MYO5B: variants seen among roughly 807,000 people sequenced by gnomAD.
MYO5B encodes myosin VB.
In MYO5B, 143 loss-of-function variants were observed where a neutral mutation model predicts 229.3. The observed-to-expected ratio is 0.62, with a 90% CI of 0.54 to 0.72. The LOEUF (loss-of-function observed/expected upper bound fraction) is 0.72, where lower values mean the gene tolerates loss of function less well. MYO5B is among the 30% of genes least tolerant of loss of function. The probability of loss-of-function intolerance (pLI) is 0.00; values close to 1 mark genes in which losing one functional copy is unlikely to be tolerated. For synonymous variants in MYO5B, 918 were observed against 885.2 expected (o/e 1.04, Z -0.66); for missense variants, 2,321 against 2,331.0 (o/e 1.00, Z 0.09).
Position 49,839,255 on chromosome 18 carries a change from AGT to A in MYO5B, c.4739_4740del (p.His1580LeufsTer3). 6.2e-7 allele frequency: 1 copy of A among 1,614,160 alleles called. No homozygotes were observed. The highest frequency in any genetic ancestry group is 1.1e-5 in the South Asian group (1 of 91,078). ...MTQNTAKQNE[H>X]CLKNFDLTEY... is the part of the protein sequence containing the mutation. ...TCGGTGAGGTCAAAATTCTTAAGAC[AGT>A]GTTCATTCTGCTTTGCAGTGTTCTG... is the stretch of plus-strand genomic sequence containing the variant. On this transcript the variant is annotated frameshift_variant, in exon 36 of 40. Coordinates refer to ENST00000285039, the MANE Select transcript of MYO5B (RefSeq NM_001080467.3). LOFTEE classifies it high-confidence loss of function.
intron 36 of MYO5B, 89 bp downstream of exon 36, chr18:49,839,055 G>T: frequency 6.5e-7 from 1 of 1,526,812 alleles, no homozygotes; most frequent in South Asian, 1.1e-5. Context: ...TAAGATATCT[G>T]GTTCCCGAAA....
intron 1 of MYO5B, among the ~76,000 whole-genome samples, chr18:50,080,853 C>T (rs1344309527): frequency 6.6e-6 from 1 of 152,150 alleles, no homozygotes; most frequent in African/African-American, 2.4e-5. Flanking sequence ...GTTCATGCAG[C>T]AGGGAAGAAG....
rs112652800 is a variant in MYO5B at position 49,891,655 on chromosome 18, G to A, written c.3045+3286C>T. On this transcript the variant is annotated intron_variant, in intron 22 of 39. Transcript: ENST00000285039. ...ATGAACCATGAGTCCTGGTGCTGCT[G>A]AGAGCACAACCCCCTCTTGGCTGGT... Among the ~76,000 whole-genome samples the A allele has an allele frequency of 3.9e-3, 591 of 152,268 alleles. 6 individuals are homozygous for A. Among genetic ancestry groups the A allele is most frequent in the African/African-American group, 0.013 (549 of 41,564 alleles).
chr18:49,920,671 G>A (rs963090020), intron 17 of MYO5B, among the ~76,000 whole-genome samples: 5 of 152,328 alleles, frequency 3.3e-5, no homozygotes, highest in Middle Eastern at 3.4e-3. Flanking sequence ...CTGCTTGGAT[G>A]TGACGAAGTG....
intron 17 of MYO5B, among the ~76,000 whole-genome samples, chr18:49,925,815 G>C (rs983244273): frequency 1.3e-5 from 2 of 152,188 alleles, no homozygotes; most frequent in Non-Finnish European, 2.9e-5. Context: ...CCCTGGGCTT[G>C]TAAGCAGGCA....
chr18:49,922,754 C>A (rs1021894538), intron 17 of MYO5B, among the ~76,000 whole-genome samples: 36 of 151,882 alleles, frequency 2.4e-4, no homozygotes, highest in African/African-American at 8.7e-4. Flanking sequence ...TCCTTCCTTA[C>A]AATTTCCACA....
chr18:50,100,190 T>C (rs986305200), intron 1 of MYO5B, among the ~76,000 whole-genome samples: 2 of 152,242 alleles, frequency 1.3e-5, no homozygotes, highest in Non-Finnish European at 2.9e-5. Flanking sequence ...GGATATTCAC[T>C]AGAGTAAATA....
rs1449838693 is a variant in MYO5B at position 49,853,461 on chromosome 18, G to T, written c.4209C>A (p.Thr1403=). Residue 1403 remains threonine (T), a synonymous_variant, in exon 31 of 40, where the codon ACC becomes ACA. Coordinates refer to ENST00000285039, the MANE Select transcript of MYO5B (RefSeq NM_001080467.3). ...CATGGCTACCCACCAGATTCTCGTT[G>T]GTCAGCCGGGATATTTCCTGCTGAA... The part of the protein sequence containing the change: ...FGVQQEISRL[T]NENLDLKELV... The T allele has an allele frequency of 6.2e-7, 1 of 1,614,112 alleles. No homozygotes were observed. Among genetic ancestry groups the T allele is most frequent in the Non-Finnish European group, 8.5e-7 (1 of 1,180,038 alleles).
chr18:50,004,515 T>C (rs2026080458), intron 4 of MYO5B, among the ~76,000 whole-genome samples: 1 of 152,216 alleles, frequency 6.6e-6, no homozygotes, highest in South Asian at 2.1e-4. Flanking sequence ...CAAGCACCAT[T>C]CAACAGCTTC....
chr18:50,035,677 C>G (rs1214088378), intron 4 of MYO5B, among the ~76,000 whole-genome samples: 1 of 152,076 alleles, frequency 6.6e-6, no homozygotes, highest in African/African-American at 2.4e-5. Context: ...CTAGTTGAGC[C>G]CTGATAGCAG....
rs1179915682 is a variant in MYO5B at position 49,942,777 on chromosome 18, C to T, written c.1753-5380G>A. 1.2e-4 allele frequency among the ~76,000 whole-genome samples: 19 copies of T among 152,206 alleles called. No individual in the cohort carries two copies. In the East Asian group the frequency reaches 3.3e-3, roughly 26 times the overall value. On this transcript the variant is annotated intron_variant, in intron 14 of 39. Transcript: ENST00000285039. The stretch of plus-strand genomic sequence containing the variant: ...TTTACACTGTTGGTGGGACTGTAAA[C>T]TAGTTCAACCATTGTGGAAGTTGGT...
chr18:49,916,131 A>G (rs1408878887), intron 17 of MYO5B, among the ~76,000 whole-genome samples: 1 of 152,216 alleles, frequency 6.6e-6, no homozygotes, highest in African/African-American at 2.4e-5. Context: ...TTGCATACAC[A>G]CTTGCTTTAG....
At chr18:49,839,092 C>A in intron 36 of MYO5B, 52 bp downstream of exon 36, 1 of 1,609,384 alleles carries the variant, frequency 6.2e-7, no homozygotes, top group South Asian at 1.1e-5. Context: ...CACGCCTTCC[C>A]CTCATTTCAG....
At chr18:49,833,798 CA>C (rs1311865048) in intron 39 of MYO5B, among the ~76,000 whole-genome samples, 1 of 152,202 alleles carries the variant, frequency 6.6e-6, no homozygotes, top group Non-Finnish European at 1.5e-5. Flanking sequence ...CTTCTGTCAT[CA>C]AACTCTTCCC....
rs758598690 is a variant in MYO5B at position 50,195,091 on chromosome 18, C to A, written c.-298G>T. On this transcript the variant is annotated 5_prime_UTR_variant, in exon 1 of 40. Coordinates refer to ENST00000285039, the MANE Select transcript of MYO5B (RefSeq NM_001080467.3). ...GGTGTGGGGAGGAGGCGAGGGCCGG[C>A]GAGGAGGGAGGACCCGCTCGCGTCA... 1 of 277,132 alleles carries A rather than the reference C, an allele frequency of 3.6e-6. No homozygotes were observed. The highest frequency in any genetic ancestry group is 6.7e-6 in the Non-Finnish European group (1 of 149,394). The allele number at this position is 277,132 out of a possible 1,614,324, so 17.2% of individuals were successfully genotyped here. A position where few individuals can be genotyped will look rare whatever the true frequency, so the allele number is the denominator to read the frequency against.
chr18:49,849,692 C>T (rs375663719), intron 31 of MYO5B, 32 bp from the exon 32 acceptor site: 3 of 1,553,032 alleles, frequency 1.9e-6, no homozygotes, highest in Non-Finnish European at 2.7e-6. Flanking sequence ...TGAGAACAGA[C>T]ATCAGCCCGG....
intron 1 of MYO5B, among the ~76,000 whole-genome samples, chr18:50,170,070 G>A (rs2032904346): frequency 7.8e-6 from 1 of 128,084 alleles, no homozygotes; most frequent in African/African-American, 3.0e-5. Context: ...AGAAGACTAT[G>A]ATTCCATTAC....
intron 1 of MYO5B, among the ~76,000 whole-genome samples, chr18:50,122,559 C>A (rs1296848620): frequency 7.5e-6 from 1 of 134,140 alleles, no homozygotes; most frequent in African/African-American, 2.7e-5. Context: ...TGCCACTGCA[C>A]TCCAGCCTGG....
intron 4 of MYO5B, among the ~76,000 whole-genome samples, chr18:50,026,345 C>T (rs1208990342): frequency 6.6e-6 from 1 of 152,216 alleles, no homozygotes; most frequent in Non-Finnish European, 1.5e-5. Context: ...CATTTAAACG[C>T]TATTCTGGGG....
Sources: gnomAD v4.1 joint callset for allele counts (sites outside exome capture counted in the v4.1 genomes callset) on GRCh38, gnomAD v4.1.1 for gene constraint, MANE v1.5 for transcripts, NCBI Gene and HGNC (gene_info 2026-07-23, HGNC 2026-07-21) for gene names.